Variants in RXFP2 observed in about 807,000 individuals in gnomAD.
The protein encoded by RXFP2 is relaxin family peptide receptor 2, also known as relaxin receptor 2.
Under a neutral mutation model 88.6 loss-of-function variants are expected in RXFP2, and 68 were observed. The observed-to-expected ratio is 0.77, with a 90% CI of 0.63 to 0.94. The LOEUF is 0.94. Among genes scored for constraint, RXFP2 ranks in the 40% least tolerant of loss-of-function variants. The pLI, the probability that RXFP2 is intolerant of heterozygous loss-of-function variation, is 0.00. For missense variants in RXFP2, 791 were observed against 893.9 expected, an observed-to-expected ratio of 0.88 and a Z score of 1.47; for synonymous variants, 329 against 306.8, an observed-to-expected ratio of 1.07 and a Z score of -0.76.
At chr13:31,765,198 G>A (rs1272368399) in intron 4 of RXFP2, 56 bp downstream of exon 4, 9 of 1,082,306 alleles carry the variant, frequency 8.3e-6, no homozygotes, top group Non-Finnish European at 1.3e-5. Context: ...TGAAAACCAA[G>A]AAAAAACCCA....
intron 16 of RXFP2, among the ~76,000 whole-genome samples, chr13:31,793,430 T>TA (rs1873887033): frequency 7.8e-6 from 1 of 127,602 alleles, no homozygotes; most frequent in Non-Finnish European, 1.7e-5. Flanking sequence ...TTATTTAAAC[T>TA]CTTTTTTTTT....
At chr13:31,779,126 C>CT (rs1167145629) in intron 9 of RXFP2, among the ~76,000 whole-genome samples, 3,226 of 120,746 alleles carry the variant, frequency 0.027, 163 homozygotes, top group African/African-American at 0.083. Context: ...TTGGGCTTGT[C>CT]TTTTTTTTTT....
At chr13:31,781,079 A>T (rs1873245397) in intron 9 of RXFP2, among the ~76,000 whole-genome samples, 1 of 152,204 alleles carries the variant, frequency 6.6e-6, no homozygotes, top group Non-Finnish European at 1.5e-5. Flanking sequence ...TATGTGCAGG[A>T]TAACTTTGGC....
In RXFP2 at chr13:31,758,215, T is replaced by G. The variant is rs747772209; in HGVS notation, c.95-43T>G. ...TTAAATGGGACAACACGGAGAGAGC[T>G]TGGCCATGGTAACACTTTGTTTTTG... On this transcript the variant is annotated intron_variant, in intron 1 of 17. Transcript: ENST00000298386. The G allele has an allele frequency of 3.7e-6, 6 of 1,611,792 alleles. No homozygotes were observed. In the Admixed American group the frequency reaches 8.3e-5, roughly 22 times the overall value.
At chr13:31,779,627 G>A (rs1440712444) in intron 9 of RXFP2, among the ~76,000 whole-genome samples, 1 of 152,016 alleles carries the variant, frequency 6.6e-6, no homozygotes, top group African/African-American at 2.4e-5. Context: ...ACACCTTCAC[G>A]GTCTTCTGCA....
chr13:31,752,144 TTC>T (rs1871698940), intron 1 of RXFP2, among the ~76,000 whole-genome samples: 1 of 152,160 alleles, frequency 6.6e-6, no homozygotes, highest in African/African-American at 2.4e-5. Flanking sequence ...CAGTTTGAAA[TTC>T]TCTTTTTTTC....
At chr13:31,776,079 TC>T (rs1391679542) in intron 7 of RXFP2, among the ~76,000 whole-genome samples, 29 of 93,940 alleles carry the variant, frequency 3.1e-4, no homozygotes, top group African/African-American at 1.2e-3. Context: ...TTTCTTTCTT[TC>T]CTTCCTTCTT....
At chr13:31,756,989 C>A (rs988080711) in intron 1 of RXFP2, among the ~76,000 whole-genome samples, 3 of 152,090 alleles carry the variant, frequency 2.0e-5, no homozygotes, top group African/African-American at 7.2e-5. Flanking sequence ...TCTTTATTTT[C>A]TGAAAAGTAT....
rs17076657 is a variant in RXFP2, at chr13:31,797,224, A to G, written c.1810A>G (p.Ile604Val). 0.14 allele frequency: 222,053 copies of G among 1,612,258 alleles called. 15,580 individuals carry two copies. Among genetic ancestry groups the G allele is most frequent in the East Asian group, 0.19 (8,704 of 44,836 alleles). Reference sequence around the variant, plus strand: ...AGGTGTGAACTTGCTGGCTTTTCTCATCATTGTGTTTTCCTATATTACTAT... The same window carrying G: ...AGGTGTGAACTTGCTGGCTTTTCTCGTCATTGTGTTTTCCTATATTACTAT... ...FLGVNLLAFLIIVFSYITMFC... is the reference protein window; with the variant it reads ...FLGVNLLAFLVIVFSYITMFC... The change falls in exon 17 of 18, where the codon ATC becomes GTC. Residue 604 changes from isoleucine (I) to valine (V), a missense_variant. Transcript: ENST00000298386.
chr13:31,800,180 C>T (rs1445074143), intron 17 of RXFP2, among the ~76,000 whole-genome samples: 1 of 152,166 alleles, frequency 6.6e-6, no homozygotes, highest in East Asian at 1.9e-4. Flanking sequence ...CCTAAACCAA[C>T]CCTGTCCCCA....
chr13:31,777,367 T>A lies in RXFP2; in HGVS notation c.642-9T>A. ...AATATTGGAAATGTTTCTTGATACATTTTGTCAGAATTCTAGATGACAATC... is the reference window on the plus strand; with the variant it reads ...AATATTGGAAATGTTTCTTGATACAATTTGTCAGAATTCTAGATGACAATC... On this transcript the variant is annotated splice_polypyrimidine_tract_variant and intron_variant, in intron 7 of 17. Transcript: ENST00000298386. The A allele has an allele frequency of 6.3e-7, 1 of 1,598,976 alleles. No individual in the cohort carries two copies. The highest frequency in any genetic ancestry group is 1.7e-5 in the Admixed American group (1 of 59,848).
At position 31,792,725 on chromosome 13, in the gene RXFP2, G is replaced by T. The variant is rs1243388453; in HGVS notation, c.1423G>T (p.Asp475Tyr). The stretch of plus-strand genomic sequence containing the variant: ...TTACTTGTTCTTTGTTGGCATTTTC[G>T]ATATAAAATACCGAGGGCAGTATCA... Reference protein sequence around the residue: ...GVYLFFVGIFDIKYRGQYQKY... With the variant: ...GVYLFFVGIFYIKYRGQYQKY... The change falls in exon 16 of 18, where the codon GAT (aspartate) becomes TAT (tyrosine). Residue 475 changes from aspartate (D) to tyrosine (Y), a missense_variant. Asp to Tyr is a radical substitution (Grantham distance 160, BLOSUM62 -3). Coordinates refer to ENST00000298386, the MANE Select transcript of RXFP2 (RefSeq NM_130806.5). 1 of 1,614,048 alleles carries T rather than the reference G, an allele frequency of 6.2e-7. No individual in the cohort carries two copies. Among genetic ancestry groups the T allele is most frequent in the Non-Finnish European group, 8.5e-7 (1 of 1,179,980 alleles).
intron 16 of RXFP2, among the ~76,000 whole-genome samples, chr13:31,794,883 G>A (rs915763944): frequency 6.6e-6 from 1 of 150,808 alleles, no homozygotes; most frequent in Non-Finnish European, 1.5e-5. Flanking sequence ...TAGACAAAGA[G>A]ATCGTCACAC....
At chr13:31,799,020 T>C (rs1026756280) in intron 17 of RXFP2, among the ~76,000 whole-genome samples, 2 of 152,224 alleles carry the variant, frequency 1.3e-5, no homozygotes, top group Non-Finnish European at 2.9e-5. Context: ...TATTTCTTAG[T>C]GTGTCCATTG....
chr13:31,751,644 A>T (rs1871679382), intron 1 of RXFP2, among the ~76,000 whole-genome samples: 1 of 152,238 alleles, frequency 6.6e-6, no homozygotes, highest in African/African-American at 2.4e-5. Context: ...AAGAACAGCC[A>T]GTGAAAGTTC....
intron 6 of RXFP2, 46 bp downstream of exon 6, chr13:31,774,737 A>G: frequency 5.0e-6 from 5 of 997,614 alleles, no homozygotes; most frequent in African/African-American, 4.7e-5. Flanking sequence ...TTAAGCAAAG[A>G]CTAAAAGGAT....
At chr13:31,756,588 C>T (rs1170574386) in intron 1 of RXFP2, among the ~76,000 whole-genome samples, 1 of 151,510 alleles carries the variant, frequency 6.6e-6, no homozygotes, top group Non-Finnish European at 1.5e-5. Context: ...CCTGTGTCTA[C>T]ACTCTCCTTA....
intron 13 of RXFP2, among the ~76,000 whole-genome samples, chr13:31,788,863 G>T (rs1232047528): frequency 6.6e-6 from 1 of 152,010 alleles, no homozygotes; most frequent in Non-Finnish European, 1.5e-5. Context: ...AATCACCACT[G>T]CCATTCTTAA....
At chr13:31,782,364 T>C (rs981317729) in intron 10 of RXFP2, among the ~76,000 whole-genome samples, 4 of 152,166 alleles carry the variant, frequency 2.6e-5, no homozygotes, top group Admixed American at 1.3e-4. Context: ...GTTGATTGGA[T>C]GGATGATTGG....
Sources: allele counts gnomAD v4.1 joint callset (sites outside exome capture counted in the v4.1 genomes callset), GRCh38; gene constraint gnomAD v4.1.1; transcripts MANE v1.5; gene names NCBI Gene and HGNC (gene_info 2026-07-23, HGNC 2026-07-21).